Variants in RASAL2 observed in about 807,000 individuals in gnomAD.
RASAL2 encodes the protein ras GTPase-activating protein nGAP.
Under a neutral mutation model 128.9 loss-of-function variants are expected in RASAL2, and 58 were observed. That is an observed-to-expected ratio of 0.45 (90% CI 0.36 to 0.56). RASAL2 has a LOEUF of 0.56. Ranked by LOEUF, RASAL2 falls within the 20% of genes least tolerant of loss-of-function variation. RASAL2 has a pLI of 0.00. For missense variants in RASAL2, 1,360 were observed against 1,601.6 expected, an observed-to-expected ratio of 0.85 and a Z score of 2.57; for synonymous variants, 561 against 580.8, an observed-to-expected ratio of 0.97 and a Z score of 0.49.
intron 6 of RASAL2, among the ~76,000 whole-genome samples, chr1:178,440,270 A>G (rs1265258347): frequency 6.6e-6 from 1 of 152,020 alleles, no homozygotes; most frequent in Admixed American, 6.6e-5. Flanking sequence ...CTAAGTGACT[A>G]CAGATGAGTC....
At chr1:178,228,440 G>GGGTGT (rs1477857028) in intron 1 of RASAL2, among the ~76,000 whole-genome samples, 1 of 152,022 alleles carries the variant, frequency 6.6e-6, no homozygotes, top group Non-Finnish European at 1.5e-5. Flanking sequence ...AAAATTAGCC[G>GGGTGT]GGTGTGGTGG....
In RASAL2 at chr1:178,474,745, A is replaced by G. The variant is rs773209460; in HGVS notation, c.*1506A>G. On this transcript the variant is annotated 3_prime_UTR_variant, in exon 18 of 18. Transcript: ENST00000367649. ...GTACATATAACTGCACAAATAGGAAAAGTTCATGCCTTCTATGCTGTTCAG... is the reference window on the plus strand; with the variant it reads ...GTACATATAACTGCACAAATAGGAAGAGTTCATGCCTTCTATGCTGTTCAG... 3.9e-4 allele frequency: 60 copies of G among 151,992 alleles called. No homozygotes were observed. Among genetic ancestry groups the G allele is most frequent in the Non-Finnish European group, 7.8e-4 (53 of 67,992 alleles). The allele number at this position is 151,992 out of a possible 1,614,324, so 9.4% of individuals were successfully genotyped here.
In RASAL2 at chr1:178,151,328, C is replaced by T. The variant is rs542849198; in HGVS notation, c.202+56634C>T. Among the ~76,000 whole-genome samples, 20 of 152,224 alleles carry T rather than the reference C, an allele frequency of 1.3e-4. No individual in the cohort carries two copies. In the South Asian group the frequency reaches 2.5e-3, roughly 19 times the overall value. ...ACTGAGTCAGGAGAATTGCTTGAAC[C>T]CAGTAAACGGAGGTTGCAGTGAGCC... On this transcript the variant is annotated intron_variant, in intron 1 of 17. Coordinates refer to ENST00000367649, the MANE Select transcript of RASAL2 (RefSeq NM_170692.4).
At chr1:178,261,933 TTGA>T (rs1255683899) in intron 1 of RASAL2, among the ~76,000 whole-genome samples, 1 of 150,866 alleles carries the variant, frequency 6.6e-6, no homozygotes, top group Non-Finnish European at 1.5e-5. Flanking sequence ...AAAAAAAGTG[TTGA>T]TGTGCTTTGC....
intron 1 of RASAL2, among the ~76,000 whole-genome samples, chr1:178,265,880 C>CT (rs1422225007): frequency 1.3e-5 from 2 of 152,136 alleles, no homozygotes; most frequent in African/African-American, 4.8e-5. Flanking sequence ...TCTTTTGTAT[C>CT]TTTTTTTGCT....
At chr1:178,330,165 A>T (rs1267936771) in intron 3 of RASAL2, among the ~76,000 whole-genome samples, 3 of 152,192 alleles carry the variant, frequency 2.0e-5, no homozygotes, top group African/African-American at 7.2e-5. Context: ...GTGTTATCAG[A>T]TGACTAGTAA....
At chr1:178,264,196 T>A (rs1450941924) in intron 1 of RASAL2, among the ~76,000 whole-genome samples, 2 of 152,202 alleles carry the variant, frequency 1.3e-5, no homozygotes, top group African/African-American at 4.8e-5. Context: ...AGGATTTAAA[T>A]GAAAATGATC....
intron 1 of RASAL2, among the ~76,000 whole-genome samples, chr1:178,261,074 T>C (rs2102132756): frequency 6.6e-6 from 1 of 152,354 alleles, no homozygotes; most frequent in East Asian, 1.9e-4. Context: ...CCGAGCTCCT[T>C]GCTGCTGCCA....
chr1:178,416,382 CATT>C (rs1357570882), intron 4 of RASAL2, among the ~76,000 whole-genome samples: 3 of 151,814 alleles, frequency 2.0e-5, no homozygotes, highest in South Asian at 2.1e-4. Flanking sequence ...TCATTTGTAT[CATT>C]ATTATTCATT....
At chr1:178,378,423 A>G (rs1177975702) in intron 3 of RASAL2, among the ~76,000 whole-genome samples, 2 of 152,114 alleles carry the variant, frequency 1.3e-5, no homozygotes, top group Non-Finnish European at 2.9e-5. Flanking sequence ...TAGTAAGGAT[A>G]TAGAGAATAT....
rs145645300 is a variant in RASAL2 at position 178,385,644 on chromosome 1, G to C, written c.458-4456G>C. 1.7e-3 allele frequency among the ~76,000 whole-genome samples: 257 copies of C among 152,084 alleles called. 2 individuals are homozygous for C. Among genetic ancestry groups the C allele is most frequent in the African/African-American group, 6.0e-3 (249 of 41,486 alleles). On this transcript the variant is annotated intron_variant, in intron 3 of 17. Coordinates refer to ENST00000367649, the MANE Select transcript of RASAL2 (RefSeq NM_170692.4). The stretch of plus-strand genomic sequence containing the variant: ...GAAAGGGGTTCTTTAAAATATAGTA[G>C]TATTGTAGTGTCATTTCCTTAGCAT...
chr1:178,273,283 G>A (rs910776482), intron 1 of RASAL2, among the ~76,000 whole-genome samples: 20 of 152,342 alleles, frequency 1.3e-4, no homozygotes, highest in African/African-American at 2.4e-4. Context: ...AAACTTGGCC[G>A]TGGATATGTC....
In RASAL2 at chr1:178,283,690, A is replaced by T; in HGVS notation, c.329A>T (p.Glu110Val). ...SQLVLLNKEK[E>V]IPVEGGQEQQ... ...TTGGTATTGCTCAACAAGGAGAAGGAGGTGAGATGGATATTATTCAGGAAA... is the reference window on the plus strand; with the variant it reads ...TTGGTATTGCTCAACAAGGAGAAGGTGGTGAGATGGATATTATTCAGGAAA... The change falls in exon 2 of 18, where the codon GAG (glutamate) becomes GTG (valine). Residue 110 changes from glutamate to valine, a missense_variant and splice_region_variant. This residue lies in a region of RASAL2 where 617 missense variants were observed against 714.2 expected (regional missense o/e 0.86). Transcript: ENST00000367649. The T allele has an allele frequency of 6.2e-7, 1 of 1,613,294 alleles. No individual in the cohort carries two copies. Among genetic ancestry groups the T allele is most frequent in the Non-Finnish European group, 8.5e-7 (1 of 1,179,826 alleles).
chr1:178,139,736 GA>G (rs772042960), intron 1 of RASAL2, among the ~76,000 whole-genome samples: 59 of 151,704 alleles, frequency 3.9e-4, no homozygotes, highest in Admixed American at 7.9e-4. Flanking sequence ...TTTTAACGTG[GA>G]TTTTTCTAGG....
intron 1 of RASAL2, among the ~76,000 whole-genome samples, chr1:178,106,230 C>T (rs1659082479): frequency 6.6e-6 from 1 of 152,094 alleles, no homozygotes; most frequent in Non-Finnish European, 1.5e-5. Flanking sequence ...ACACTATCTC[C>T]AGGGTAGTGA....
chr1:178,469,753 T>TCAA (rs1648090359), intron 17 of RASAL2, among the ~76,000 whole-genome samples: 1 of 152,196 alleles, frequency 6.6e-6, no homozygotes, highest in Non-Finnish European at 1.5e-5. Flanking sequence ...CACTGACCAC[T>TCAA]CAACAGCAAG....
At chr1:178,252,875 C>T (rs1441016866) in intron 1 of RASAL2, among the ~76,000 whole-genome samples, 1 of 152,164 alleles carries the variant, frequency 6.6e-6, no homozygotes, top group African/African-American at 2.4e-5. Flanking sequence ...CTATTACAAC[C>T]TTCGTTTATC....
chr1:178,409,423 A>G (rs1005937364), intron 4 of RASAL2, among the ~76,000 whole-genome samples: 7 of 152,186 alleles, frequency 4.6e-5, no homozygotes, highest in Admixed American at 3.3e-4. Flanking sequence ...GGTCATGTCA[A>G]AAAAGACACC....
chr1:178,215,362 C>A lies in RASAL2; in HGVS notation c.203-68202C>A, dbSNP rs949879636. 4.6e-5 allele frequency among the ~76,000 whole-genome samples: 7 copies of A among 152,242 alleles called. No homozygotes were observed. In the South Asian group the frequency reaches 1.4e-3, roughly 31 times the overall value. ...AAACCTCCCATGGGTTCTCTCTCTT[C>A]TTCTCTGGTGTACTTGTTGGATGGA... On this transcript the variant is annotated intron_variant, in intron 1 of 17. Coordinates refer to ENST00000367649, the MANE Select transcript of RASAL2 (RefSeq NM_170692.4).
Sources: gnomAD v4.1 joint callset for allele counts (sites outside exome capture counted in the v4.1 genomes callset) on GRCh38, gnomAD v4.1.1 for gene constraint, gnomAD v4.1.1 regional missense constraint, MANE v1.5 for transcripts, NCBI Gene and HGNC (gene_info 2026-07-23, HGNC 2026-07-21) for gene names.